TASP1: variants seen among roughly 807,000 people sequenced by gnomAD.
TASP1 encodes threonine aspartase 1.
In TASP1, 16 loss-of-function variants were observed where a neutral mutation model predicts 56.6. The observed-to-expected ratio is 0.28, with a 90% CI of 0.19 to 0.43. The LOEUF (loss-of-function observed/expected upper bound fraction) is 0.43. Among genes scored for constraint, TASP1 ranks in the 20% least tolerant of loss-of-function variants. The probability of loss-of-function intolerance (pLI) is 1.00; values close to 1 mark genes in which losing one functional copy is unlikely to be tolerated. For missense variants in TASP1, 393 were observed against 511.6 expected (o/e 0.77, Z 2.24); for synonymous variants, 179 against 184.2 (o/e 0.97, Z 0.23).
chr20:13,134,695 G>A, the TASP1 span, among the ~76,000 whole-genome samples: 1 of 152,244 alleles, frequency 6.6e-6, no homozygotes, highest in South Asian at 2.1e-4. Context: ...ACAGATCTGT[G>A]CAGTGGGAGA....
chr20:13,276,202 C>A, the TASP1 span, among the ~76,000 whole-genome samples: 1 of 152,166 alleles, frequency 6.6e-6, no homozygotes, highest in Non-Finnish European at 1.5e-5. Context: ...CCTGCCCACT[C>A]CCACCAGTTT....
chr20:13,225,962 A>G, the TASP1 span, among the ~76,000 whole-genome samples: 1 of 151,886 alleles, frequency 6.6e-6, no homozygotes, highest in Non-Finnish European at 1.5e-5. Flanking sequence ...TAATAAAGGT[A>G]TCTCCTTTGT....
chr20:13,354,952 G>C, the TASP1 span, among the ~76,000 whole-genome samples: 3 of 152,160 alleles, frequency 2.0e-5, no homozygotes, highest in Admixed American at 2.0e-4. Context: ...GTATGAGAAA[G>C]AGAATCACAG....
intron 12 of TASP1, among the ~76,000 whole-genome samples, chr20:13,423,648 T>A (rs1438585415): frequency 6.6e-6 from 1 of 152,208 alleles, no homozygotes; most frequent in Non-Finnish European, 1.5e-5. Context: ...TGGAAGACTA[T>A]CTTAGCAACT....
intron 11 of TASP1, among the ~76,000 whole-genome samples, chr20:13,475,571 A>C (rs2044694849): frequency 6.6e-6 from 1 of 152,258 alleles, no homozygotes. Context: ...CACACATTTC[A>C]TATTTTCTAT....
chr20:13,606,133 G>C (rs545637142), intron 4 of TASP1, among the ~76,000 whole-genome samples: 2 of 90,592 alleles, frequency 2.2e-5, no homozygotes, highest in East Asian at 3.5e-4. Flanking sequence ...ATGTGTGTGC[G>C]TGCGTGTGTG....
Position 13,629,936 on chromosome 20 carries a change from G to A in TASP1, c.143C>T (p.Ala48Val), listed in dbSNP as rs1042479531. Residue 48 changes from alanine (A) to valine (V), a missense_variant and splice_region_variant, in exon 2 of 14, where the codon GCA becomes GTA. By Grantham distance (64) the Ala-to-Val change is moderately conservative. Around this residue, in one of 3 missense-constraint regions of TASP1, gnomAD observed 48 missense variants for 106.2 expected, o/e 0.45. Coordinates refer to ENST00000337743, the MANE Select transcript of TASP1 (RefSeq NM_017714.3). ...EKRGGFVLVH[A>V]GAGYHSESKA... is the part of the protein sequence containing the mutation. ...TCCAAGCCATCCACAAAGCTTACCT[G>A]CATGCACCAACACAAAGCCTCCTCG... The A allele has an allele frequency of 3.1e-6, 5 of 1,613,106 alleles. No individual in the cohort carries two copies. Among genetic ancestry groups the A allele is most frequent in the Non-Finnish European group, 4.2e-6 (5 of 1,179,698 alleles).
At chr20:13,143,249 T>C in the TASP1 span, among the ~76,000 whole-genome samples, 14 of 152,158 alleles carry the variant, frequency 9.2e-5, no homozygotes, top group Admixed American at 9.2e-4. Context: ...GGACCCAGTT[T>C]TAGAGAGCAA....
At chr20:13,124,782 G>C in the TASP1 span, among the ~76,000 whole-genome samples, 1 of 152,188 alleles carries the variant, frequency 6.6e-6, no homozygotes, top group Non-Finnish European at 1.5e-5. Context: ...ACATACCTAA[G>C]AGAGATGGAA....
At chr20:13,363,442 A>T in the TASP1 span, among the ~76,000 whole-genome samples, 3 of 152,204 alleles carry the variant, frequency 2.0e-5, no homozygotes, top group East Asian at 5.8e-4. Flanking sequence ...CCCTGTATAT[A>T]GCTGTTCATC....
At chr20:13,634,545 C>G (rs1439902634) in intron 1 of TASP1, among the ~76,000 whole-genome samples, 1 of 152,086 alleles carries the variant, frequency 6.6e-6, no homozygotes. Context: ...GCCTGGCCAA[C>G]ATGGCGAAAT....
At position 13,622,173 on chromosome 20, in the gene TASP1, C is replaced by T. The variant is rs148391688; in HGVS notation, c.282+1273G>A. Among the ~76,000 whole-genome samples, 563 of 152,292 alleles carry T rather than the reference C, an allele frequency of 3.7e-3. 3 individuals carry two copies. Among genetic ancestry groups the T allele is most frequent in the East Asian group, 0.012 (61 of 5,194 alleles). On this transcript the variant is annotated intron_variant, in intron 4 of 13. Transcript: ENST00000337743. The stretch of plus-strand genomic sequence containing the variant: ...TATGGGGTGCTTACTACGTACCACA[C>T]ACTGTTCTAAGAGACTGTCATGTAT...
At chr20:13,621,952 GTC>G (rs1031794629) in intron 4 of TASP1, among the ~76,000 whole-genome samples, 14 of 152,104 alleles carry the variant, frequency 9.2e-5, no homozygotes, top group Non-Finnish European at 1.8e-4. Flanking sequence ...CTCTTTGTGT[GTC>G]TGTTTTGAGT....
At chr20:13,189,250 G>C in the TASP1 span, among the ~76,000 whole-genome samples, 1 of 152,142 alleles carries the variant, frequency 6.6e-6, no homozygotes, top group Non-Finnish European at 1.5e-5. Flanking sequence ...TCTAGGCAAA[G>C]AATTTATGAC....
In TASP1 at chr20:13,593,191, C is replaced by A. The variant is rs150440702; in HGVS notation, c.283-5821G>T. The stretch of plus-strand genomic sequence containing the variant: ...ACATCATAACCAAGTAGCGTTTATT[C>A]CAGAAATGCAGGGCTGATTAAACAG... On this transcript the variant is annotated intron_variant, in intron 4 of 13. Transcript: ENST00000337743. Among the ~76,000 whole-genome samples the A allele has an allele frequency of 3.3e-3, 497 of 152,176 alleles. 6 individuals carry two copies. The highest frequency in any genetic ancestry group is 5.0e-3 in the Non-Finnish European group (339 of 67,996).
chr20:13,445,597 G>A (rs1270430430), intron 11 of TASP1, among the ~76,000 whole-genome samples: 1 of 152,124 alleles, frequency 6.6e-6, no homozygotes, highest in Non-Finnish European at 1.5e-5. Flanking sequence ...CAGTGGAGGG[G>A]AAGCCAAATG....
At chr20:13,552,536 A>G (rs1468550511) in intron 8 of TASP1, among the ~76,000 whole-genome samples, 2 of 152,208 alleles carry the variant, frequency 1.3e-5, no homozygotes, top group Admixed American at 1.3e-4. Flanking sequence ...CTTACTAAAG[A>G]GGATCTTATC....
chr20:13,230,265 G>T, the TASP1 span, among the ~76,000 whole-genome samples: 1 of 151,954 alleles, frequency 6.6e-6, no homozygotes, highest in Non-Finnish European at 1.5e-5. Context: ...AATCTTTTAC[G>T]CTACATGTTA....
At chr20:13,477,648 GT>G (rs1401899380) in intron 11 of TASP1, among the ~76,000 whole-genome samples, 1 of 152,070 alleles carries the variant, frequency 6.6e-6, no homozygotes, top group African/African-American at 2.4e-5. Flanking sequence ...ACTGAAAGAG[GT>G]TTTATATGTG....
Sources: gnomAD v4.1 joint callset for allele counts (sites outside exome capture counted in the v4.1 genomes callset) on GRCh38, gnomAD v4.1.1 for gene constraint, gnomAD v4.1.1 regional missense constraint, MANE v1.5 for transcripts, NCBI Gene and HGNC (gene_info 2026-07-23, HGNC 2026-07-21) for gene names.